GTF2IRD1: variants seen among roughly 807,000 people sequenced by gnomAD.
GTF2IRD1 encodes the protein general transcription factor II-I repeat domain-containing protein 1.
Under a neutral mutation model 113.2 loss-of-function variants are expected in GTF2IRD1, and 26 were observed. The ratio of observed to expected loss-of-function variants is 0.23; its 90% CI spans 0.17 to 0.32. The LOEUF (loss-of-function observed/expected upper bound fraction) is 0.32. GTF2IRD1 is among the 10% of genes least tolerant of loss of function. The pLI is 1.00. For synonymous variants in GTF2IRD1, 484 were observed against 529.1 expected (o/e 0.91, Z 1.17); for missense variants, 864 against 1,280.8 (o/e 0.67, Z 4.97).
chr7:74,493,110 C>CTTTT (rs60137731), intron 1 of GTF2IRD1, among the ~76,000 whole-genome samples: 1 of 134,286 alleles, frequency 7.4e-6, no homozygotes, highest in Non-Finnish European at 1.6e-5. Flanking sequence ...TCTTCTTCTT[C>CTTTT]TTTTTTTTTT....
intron 1 of GTF2IRD1, among the ~76,000 whole-genome samples, chr7:74,467,107 C>A (rs1793771326): frequency 6.6e-6 from 1 of 152,116 alleles, no homozygotes. Flanking sequence ...TGCCAACACA[C>A]CCGGCTAGTT....
intron 1 of GTF2IRD1, among the ~76,000 whole-genome samples, chr7:74,470,432 C>A (rs1475904438): frequency 6.6e-6 from 1 of 152,116 alleles, no homozygotes; most frequent in African/African-American, 2.4e-5. Context: ...TCCCCAGCAC[C>A]CCCCACTCCA....
chr7:74,482,138 A>G (rs1584489753), intron 1 of GTF2IRD1, among the ~76,000 whole-genome samples: 1 of 151,588 alleles, frequency 6.6e-6, no homozygotes, highest in Admixed American at 6.6e-5. Context: ...GCAGGGCAGG[A>G]TTAAAAAGGG....
chr7:74,496,368 G>A (rs1795691987), intron 1 of GTF2IRD1, among the ~76,000 whole-genome samples: 1 of 150,414 alleles, frequency 6.6e-6, no homozygotes, highest in Admixed American at 6.6e-5. Flanking sequence ...GTGCATGTGT[G>A]TGTGCATATA....
At chr7:74,491,436 C>G (rs1176092518) in intron 1 of GTF2IRD1, among the ~76,000 whole-genome samples, 1 of 150,650 alleles carries the variant, frequency 6.6e-6, no homozygotes, top group Non-Finnish European at 1.5e-5. Context: ...GGTATTAAGC[C>G]CAGTACCCAA....
intron 1 of GTF2IRD1, among the ~76,000 whole-genome samples, chr7:74,474,625 C>CAG (rs1794301013): frequency 6.6e-6 from 1 of 152,182 alleles, no homozygotes; most frequent in East Asian, 1.9e-4. Flanking sequence ...GCGAGTTGCT[C>CAG]AGCCTTTCTG....
chr7:74,486,871 C>T (rs1172560361), intron 1 of GTF2IRD1, among the ~76,000 whole-genome samples: 10 of 152,010 alleles, frequency 6.6e-5, no homozygotes, highest in Admixed American at 5.9e-4. Context: ...CCCAGCTACT[C>T]AGGACACTGA....
chr7:74,528,380 T>A (rs1333803839), intron 8 of GTF2IRD1, among the ~76,000 whole-genome samples: 2 of 152,142 alleles, frequency 1.3e-5, no homozygotes, highest in Non-Finnish European at 2.9e-5. Flanking sequence ...TTTTTTGTAT[T>A]TTTATAGAGA....
chr7:74,588,519 A>AT (rs1221162939), intron 22 of GTF2IRD1, among the ~76,000 whole-genome samples: 1 of 151,182 alleles, frequency 6.6e-6, no homozygotes, highest in Non-Finnish European at 1.5e-5. Context: ...TTTGGAGCCC[A>AT]TTTTTTGTTT....
intron 1 of GTF2IRD1, among the ~76,000 whole-genome samples, chr7:74,484,453 C>CTTTTT (rs1173256681): frequency 7.9e-6 from 1 of 126,102 alleles, no homozygotes; most frequent in African/African-American, 3.1e-5. Flanking sequence ...GGCCATCCTT[C>CTTTTT]TTTTTTTTTT....
chr7:74,521,059 C>T (rs6966206), intron 6 of GTF2IRD1, 149 bp from the exon 7 acceptor site: 22,540 of 581,354 alleles, frequency 0.039, 3,004 homozygotes, highest in East Asian at 0.39. Context: ...AGGGGCCTTG[C>T]CTTGAGTTTG....
At chr7:74,517,666 C>G (rs944509202) in intron 4 of GTF2IRD1, among the ~76,000 whole-genome samples, 4 of 151,574 alleles carry the variant, frequency 2.6e-5, no homozygotes, top group Admixed American at 2.0e-4. Context: ...GTGATCCTCC[C>G]TCCTCAGCCT....
intron 1 of GTF2IRD1, among the ~76,000 whole-genome samples, chr7:74,479,738 AT>A (rs1423305809): frequency 1.3e-5 from 2 of 149,678 alleles, no homozygotes; most frequent in African/African-American, 4.9e-5. Context: ...AGTAAAGTAC[AT>A]GAGTACATGA....
chr7:74,597,720 G>A (rs1322019046), intron 25 of GTF2IRD1, among the ~76,000 whole-genome samples: 2 of 152,206 alleles, frequency 1.3e-5, no homozygotes, highest in Non-Finnish European at 2.9e-5. Context: ...CCACCTCATT[G>A]TACAGCTGGG....
chr7:74,476,080 T>C (rs1238536742), intron 1 of GTF2IRD1, among the ~76,000 whole-genome samples: 1 of 152,088 alleles, frequency 6.6e-6, no homozygotes, highest in Non-Finnish European at 1.5e-5. Flanking sequence ...CTCCAATGCC[T>C]GGTGGTGGTG....
chr7:74,601,069 C>A lies in GTF2IRD1; in HGVS notation c.2655C>A (p.Arg885=), dbSNP rs1253874325. ...VPAKDSSIPK[R]KRKRVSEGNS... ...CCAAAGACAGCAGCATTCCCAAGCG[C>A]AAGAGAAAGCGGGTCTCGGAAGGAA... The change falls in exon 26 of 27, where the codon CGC becomes CGA. Residue 885 remains arginine (R), a synonymous_variant. Transcript: ENST00000424337. 6.2e-7 allele frequency: 1 copy of A among 1,614,174 alleles called. No individual in the cohort carries two copies. Among genetic ancestry groups the A allele is most frequent in the Non-Finnish European group, 8.5e-7 (1 of 1,180,022 alleles).
intron 25 of GTF2IRD1, among the ~76,000 whole-genome samples, chr7:74,597,837 G>A (rs1336973757): frequency 6.6e-6 from 1 of 152,128 alleles, no homozygotes; most frequent in African/African-American, 2.4e-5. Flanking sequence ...AGACCACCGT[G>A]GGCCACACGG....
At chr7:74,465,501 G>GA (rs1453921869) in intron 1 of GTF2IRD1, among the ~76,000 whole-genome samples, 4 of 152,162 alleles carry the variant, frequency 2.6e-5, no homozygotes, top group African/African-American at 7.2e-5. Flanking sequence ...AGCCTCATCT[G>GA]AAAAAACAAG....
Position 74,557,549 on chromosome 7 carries a change from TC to T in GTF2IRD1, c.2024-86del. ...ATCCTTTAATTGCCGGAGAAGGAGT[TC>T]CCCATAATTAGAAAATCATCTTCCT... On this transcript the variant is annotated intron_variant, in intron 19 of 26. Transcript: ENST00000424337. 3 of 805,554 alleles carry T rather than the reference TC, an allele frequency of 3.7e-6. No homozygotes were observed. In the South Asian group the frequency reaches 4.9e-5, roughly 13 times the overall value. The allele number at this position is 805,554 out of a possible 1,614,324, so 49.9% of individuals were successfully genotyped here. A position where few individuals can be genotyped will look rare whatever the true frequency, so the allele number is the denominator to read the frequency against.
Sources: allele counts gnomAD v4.1 joint callset (sites outside exome capture counted in the v4.1 genomes callset), GRCh38; gene constraint gnomAD v4.1.1; transcripts MANE v1.5; gene names NCBI Gene and HGNC (gene_info 2026-07-23, HGNC 2026-07-21).